Variants in ZFPM2 observed in about 807,000 individuals in gnomAD.
ZFPM2 encodes the protein zinc finger protein ZFPM2.
Under a neutral mutation model 98.6 loss-of-function variants are expected in ZFPM2, and 20 were observed. The observed-to-expected ratio is 0.20, with a 90% CI of 0.14 to 0.29. The LOEUF is 0.29. Among genes scored for constraint, ZFPM2 ranks in the 10% least tolerant of loss-of-function variants. The pLI, the probability that ZFPM2 is intolerant of heterozygous loss-of-function variation, is 1.00. For synonymous variants in ZFPM2, 518 were observed against 502.7 expected (o/e 1.03, Z -0.41); for missense variants, 1,310 against 1,388.6 (o/e 0.94, Z 0.90).
intron 3 of ZFPM2, among the ~76,000 whole-genome samples, chr8:105,492,965 T>C (rs2130438314): frequency 6.6e-6 from 1 of 152,310 alleles, no homozygotes; most frequent in African/African-American, 2.4e-5. Flanking sequence ...ATTAATGTAG[T>C]ATTTTTTGTA....
intron 1 of ZFPM2, among the ~76,000 whole-genome samples, chr8:105,359,367 C>CTTTTTTT (rs111675257): frequency 5.0e-4 from 68 of 135,212 alleles, no homozygotes; most frequent in Non-Finnish European, 6.8e-4. Context: ...CTTTTTCTTT[C>CTTTTTTT]TTTTTTTTTT....
intron 2 of ZFPM2, among the ~76,000 whole-genome samples, chr8:105,437,656 C>T (rs1269521461): frequency 6.6e-6 from 1 of 152,158 alleles, no homozygotes; most frequent in Non-Finnish European, 1.5e-5. Flanking sequence ...GTTTCACCAC[C>T]TTCAAGCTGC....
At chr8:105,356,502 T>A (rs1405963231) in intron 1 of ZFPM2, among the ~76,000 whole-genome samples, 1 of 152,230 alleles carries the variant, frequency 6.6e-6, no homozygotes, top group African/African-American at 2.4e-5. Flanking sequence ...ATCAAAAGGA[T>A]CTGTAATCTG....
At chr8:105,325,106 G>T (rs1445747012) in intron 1 of ZFPM2, among the ~76,000 whole-genome samples, 1 of 151,692 alleles carries the variant, frequency 6.6e-6, no homozygotes, top group Admixed American at 6.6e-5. Context: ...TTTGAAACCC[G>T]GTCTAATTCA....
Position 105,802,048 on chromosome 8 carries a change from T to G in ZFPM2, c.1966T>G (p.Ser656Ala), listed in dbSNP as rs1273452035. The G allele has an allele frequency of 6.2e-7, 1 of 1,613,764 alleles. No individual in the cohort carries two copies. The highest frequency in any genetic ancestry group is 1.7e-5 in the Admixed American group (1 of 59,992). Reference protein sequence around the residue: ...FSTQTKKLSTSSNNDDKINGK... With the variant: ...FSTQTKKLSTASNNDDKINGK... ...CACTCAAACTAAGAAGCTCTCCACC[T>G]CCAGTAACAATGATGACAAAATTAA... The change falls in exon 8 of 8, where the codon TCC becomes GCC. Residue 656 changes from serine to alanine, a missense_variant. By Grantham distance (99) the Ser-to-Ala change is moderately conservative (BLOSUM62 1). Coordinates refer to ENST00000407775, the MANE Select transcript of ZFPM2 (RefSeq NM_012082.4).
At chr8:105,693,819 CTG>C (rs1245131126) in intron 5 of ZFPM2, among the ~76,000 whole-genome samples, 1 of 151,940 alleles carries the variant, frequency 6.6e-6, no homozygotes, top group East Asian at 1.9e-4. Context: ...TGATATCTCT[CTG>C]TAGTCATACA....
chr8:105,608,726 C>A (rs1322234933), intron 4 of ZFPM2, among the ~76,000 whole-genome samples: 4 of 150,772 alleles, frequency 2.7e-5, no homozygotes, highest in Non-Finnish European at 5.9e-5. Flanking sequence ...ATACAAATAT[C>A]CAGGAAGAAA....
chr8:105,445,500 T>G (rs1382761880), intron 3 of ZFPM2, among the ~76,000 whole-genome samples: 2 of 152,012 alleles, frequency 1.3e-5, no homozygotes, highest in African/African-American at 4.8e-5. Flanking sequence ...GGGGAAAGAT[T>G]CCCTCGATTA....
intron 5 of ZFPM2, among the ~76,000 whole-genome samples, chr8:105,668,954 A>G (rs1376213461): frequency 6.6e-6 from 1 of 152,198 alleles, no homozygotes; most frequent in South Asian, 2.1e-4. Flanking sequence ...GTTGATGGAA[A>G]CATAACTGAT....
At chr8:105,532,670 C>T (rs1223978011) in intron 3 of ZFPM2, among the ~76,000 whole-genome samples, 2 of 152,142 alleles carry the variant, frequency 1.3e-5, no homozygotes, top group African/African-American at 2.4e-5. Flanking sequence ...GATGCAACAA[C>T]GTTGACAAAT....
chr8:105,475,991 G>C (rs568487669), intron 3 of ZFPM2, among the ~76,000 whole-genome samples: 1 of 152,296 alleles, frequency 6.6e-6, no homozygotes, highest in South Asian at 2.1e-4. Flanking sequence ...TTACGGACTA[G>C]CATTGGTGAT....
At chr8:105,721,780 G>C (rs1192227170) in intron 5 of ZFPM2, among the ~76,000 whole-genome samples, 1 of 151,910 alleles carries the variant, frequency 6.6e-6, no homozygotes, top group African/African-American at 2.4e-5. Flanking sequence ...TTCTCAGAAA[G>C]AATATACGAG....
At chr8:105,441,482 G>GAAAGAAAGAAAGAAAAAAAGAAAA (rs1554604999) in intron 2 of ZFPM2, among the ~76,000 whole-genome samples, 3 of 85,404 alleles carry the variant, frequency 3.5e-5, no homozygotes, top group Non-Finnish European at 6.1e-5. Flanking sequence ...AAGAAAGAAA[G>GAAAGAAAGAAAGAAAAAAAGAAAA]AAAGAAAGAA....
chr8:105,691,725 T>G (rs1156732033), intron 5 of ZFPM2, among the ~76,000 whole-genome samples: 2 of 152,190 alleles, frequency 1.3e-5, no homozygotes, highest in Non-Finnish European at 2.9e-5. Context: ...CCCATGGAGG[T>G]GTGAACCCTG....
At chr8:105,488,219 A>T (rs1309848408) in intron 3 of ZFPM2, among the ~76,000 whole-genome samples, 2 of 152,198 alleles carry the variant, frequency 1.3e-5, no homozygotes, top group Non-Finnish European at 2.9e-5. Context: ...TGGCTTATAT[A>T]CGAAAGGTTA....
chr8:105,381,038 T>C (rs750994332), intron 1 of ZFPM2, among the ~76,000 whole-genome samples: 19 of 143,204 alleles, frequency 1.3e-4, no homozygotes, highest in Middle Eastern at 3.5e-3. Context: ...CAACCCATCA[T>C]CTACATTAGG....
At chr8:105,587,118 A>G (rs575689531) in intron 4 of ZFPM2, among the ~76,000 whole-genome samples, 7 of 151,594 alleles carry the variant, frequency 4.6e-5, no homozygotes, top group Middle Eastern at 3.4e-3. Flanking sequence ...CTACTAAAAA[A>G]TACAAAAAAT....
chr8:105,520,437 A>G (rs1335893814), intron 3 of ZFPM2, among the ~76,000 whole-genome samples: 2 of 152,066 alleles, frequency 1.3e-5, no homozygotes, highest in African/African-American at 4.8e-5. Flanking sequence ...ATAGGACAAA[A>G]TCTCCACTTT....
At chr8:105,702,410 T>C (rs1208301951) in intron 5 of ZFPM2, among the ~76,000 whole-genome samples, 1 of 152,212 alleles carries the variant, frequency 6.6e-6, no homozygotes, top group Non-Finnish European at 1.5e-5. Flanking sequence ...AATTGCTGTG[T>C]TGCATCAAGA....
Sources: allele counts gnomAD v4.1 joint callset (sites outside exome capture counted in the v4.1 genomes callset), GRCh38; gene constraint gnomAD v4.1.1; transcripts MANE v1.5; gene names NCBI Gene and HGNC (gene_info 2026-07-23, HGNC 2026-07-21).